EIF2A: variants seen among roughly 807,000 people sequenced by gnomAD.
EIF2A encodes the protein 65 kDa eukaryotic translation initiation factor 2A.
A neutral mutation model predicts 75.2 loss-of-function variants in EIF2A; 62 were observed. The observed-to-expected ratio is 0.82, with a 90% CI of 0.67 to 1.02. The LOEUF is 1.02. Among genes scored for constraint, EIF2A ranks in the 50% least tolerant of loss-of-function variants. The probability of loss-of-function intolerance (pLI) is 0.00; values close to 1 mark genes in which losing one functional copy is unlikely to be tolerated. For missense variants in EIF2A, 611 were observed against 677.7 expected (o/e 0.90, Z 1.09); for synonymous variants, 207 against 239.0 (o/e 0.87, Z 1.23).
intron 11 of EIF2A, among the ~76,000 whole-genome samples, chr3:150,578,693 G>A (rs543759647): frequency 2.6e-5 from 4 of 152,218 alleles, no homozygotes; most frequent in African/African-American, 9.6e-5. Flanking sequence ...TAATAGCAAA[G>A]GTTTTCAACT....
chr3:150,565,055 CT>C (rs1724093820), intron 6 of EIF2A: 1 of 378,414 alleles, frequency 2.6e-6, no homozygotes, highest in Non-Finnish European at 5.2e-6. Flanking sequence ...CCCACTCTAT[CT>C]GTTATTTTAT....
At chr3:150,581,373 T>C (rs1030623354) in intron 11 of EIF2A, among the ~76,000 whole-genome samples, 1 of 152,196 alleles carries the variant, frequency 6.6e-6, no homozygotes, top group Non-Finnish European at 1.5e-5. Flanking sequence ...TCTCAGAATA[T>C]GCAAAAGTTT....
chr3:150,584,848 T>C lies in EIF2A; in HGVS notation c.*937T>C, dbSNP rs1725378090. ...AACAAAATCCTTTTTTAAAAATTTTTAAAGAAAAAGTATACACACAGGACT... is the reference window on the plus strand; with the variant it reads ...AACAAAATCCTTTTTTAAAAATTTTCAAAGAAAAAGTATACACACAGGACT... On this transcript the variant is annotated 3_prime_UTR_variant, in exon 14 of 14. Transcript: ENST00000460851. Among the ~76,000 whole-genome samples the C allele has an allele frequency of 6.6e-6, 1 of 152,056 alleles. No homozygotes were observed. Among genetic ancestry groups the C allele is most frequent in the Non-Finnish European group, 1.5e-5 (1 of 68,000 alleles).
intron 2 of EIF2A, among the ~76,000 whole-genome samples, chr3:150,556,722 A>T (rs1723590258): frequency 6.6e-6 from 1 of 152,212 alleles, no homozygotes. Flanking sequence ...GAAATTTTTC[A>T]TTCAAAAAAT....
chr3:150,572,250 T>A lies in EIF2A; in HGVS notation c.1104T>A (p.Asp368Glu). 1.9e-6 allele frequency: 3 copies of A among 1,613,968 alleles called. No homozygotes were observed. Among genetic ancestry groups the A allele is most frequent in the Non-Finnish European group, 2.5e-6 (3 of 1,179,878 alleles). The change falls in exon 10 of 14, where the codon GAT becomes GAA. Residue 368 changes from aspartate to glutamate, a missense_variant. Asp to Glu is a conservative substitution (Grantham distance 45, BLOSUM62 2). Transcript: ENST00000460851. ...CTACATATTTTGCTTGGTGCCCGGA[T>A]GGTGAGCATATTTTAACAGCTACAT... ...SDSTYFAWCP[D>E]GEHILTATCA...
intron 11 of EIF2A, among the ~76,000 whole-genome samples, chr3:150,579,845 A>G (rs951075097): frequency 6.6e-6 from 1 of 152,186 alleles, no homozygotes; most frequent in African/African-American, 2.4e-5. Context: ...AGTTCAGAGT[A>G]TCCTACCCAG....
At chr3:150,579,499 C>G (rs928156462) in intron 11 of EIF2A, among the ~76,000 whole-genome samples, 1 of 152,056 alleles carries the variant, frequency 6.6e-6, no homozygotes, top group African/African-American at 2.4e-5. Flanking sequence ...CACCTGAGGT[C>G]TGGAGTTCGA....
rs1724553178 is a variant in EIF2A, at chr3:150,571,995, T to C, written c.849T>C (p.Ser283=). The part of the protein sequence containing the change: ...NGPIYDVVWN[S]SSTEFCAVYG... ...CCATTTATGATGTAGTTTGGAATTC[T>C]AGTTCTACTGAGTTTTGTGCTGTAT... The change falls in exon 10 of 14, where the codon TCT becomes TCC. Residue 283 remains serine (S), a synonymous_variant. Transcript: ENST00000460851. The C allele has an allele frequency of 1.2e-6, 2 of 1,612,530 alleles. No homozygotes were observed. Among genetic ancestry groups the C allele is most frequent in the Non-Finnish European group, 8.5e-7 (1 of 1,179,316 alleles).
rs944594740 is a variant in EIF2A, at chr3:150,583,942, A to C, written c.*31A>C. ...CACGGAAAGCAAGTTGATGACCAGAAATCAGTGCAAACACATCTTCTGTTA... is the reference window on the plus strand; with the variant it reads ...CACGGAAAGCAAGTTGATGACCAGACATCAGTGCAAACACATCTTCTGTTA... On this transcript the variant is annotated 3_prime_UTR_variant, in exon 14 of 14. Coordinates refer to ENST00000460851, the MANE Select transcript of EIF2A (RefSeq NM_032025.5). 2 of 1,606,846 alleles carry C rather than the reference A, an allele frequency of 1.2e-6. No homozygotes were observed. Among genetic ancestry groups the C allele is most frequent in the Non-Finnish European group, 1.7e-6 (2 of 1,173,676 alleles).
Position 150,580,626 on chromosome 3 carries a change from C to T in EIF2A, c.1498-992C>T, listed in dbSNP as rs184857335. On this transcript the variant is annotated intron_variant, in intron 11 of 13. Coordinates refer to ENST00000460851, the MANE Select transcript of EIF2A (RefSeq NM_032025.5). ...CTGTAAATCATAGCAAATCAGCATACAATATTTTTTATTCCTTATTAAGAA... is the reference window on the plus strand; with the variant it reads ...CTGTAAATCATAGCAAATCAGCATATAATATTTTTTATTCCTTATTAAGAA... 2.0e-5 allele frequency among the ~76,000 whole-genome samples: 3 copies of T among 152,244 alleles called. No individual in the cohort carries two copies. The East Asian group carries it at 5.8e-4, about 29-fold the overall frequency.
At chr3:150,566,893 A>C (rs552709527) in intron 6 of EIF2A, 1 of 152,366 alleles carries the variant, frequency 6.6e-6, no homozygotes, top group South Asian at 2.1e-4. Context: ...AACTTTGTTC[A>C]CACGTACCAA....
chr3:150,564,419 G>T (rs768972472), intron 6 of EIF2A, 38 bp downstream of exon 6: 99 of 1,499,370 alleles, frequency 6.6e-5, no homozygotes, highest in Non-Finnish European at 8.2e-5. Context: ...ATTACTTACT[G>T]TAATCGTATA....
intron 5 of EIF2A, among the ~76,000 whole-genome samples, 187 bp downstream of exon 5, chr3:150,563,801 G>A (rs147785750): frequency 2.0e-5 from 3 of 152,184 alleles, no homozygotes; most frequent in Non-Finnish European, 4.4e-5. Context: ...AGTATTAAGT[G>A]GAAAGGAACA....
At chr3:150,552,790 A>C (rs188111950) in intron 2 of EIF2A, 406 of 165,874 alleles carry the variant, frequency 2.4e-3, no homozygotes, top group Non-Finnish European at 3.5e-3. Flanking sequence ...AATGAAAAAG[A>C]TATTAAAAAG....
At chr3:150,555,170 C>T (rs1723497548) in intron 2 of EIF2A, among the ~76,000 whole-genome samples, 1 of 152,062 alleles carries the variant, frequency 6.6e-6, no homozygotes, top group Admixed American at 6.6e-5. Flanking sequence ...CTCAAGAGAT[C>T]CAACCGCCTT....
intron 3 of EIF2A, among the ~76,000 whole-genome samples, chr3:150,560,331 C>G (rs538845165): frequency 1.3e-5 from 2 of 152,254 alleles, no homozygotes; most frequent in African/African-American, 4.8e-5. Flanking sequence ...TGATTGTGGT[C>G]TTTGTTCAGT....
intron 9 of EIF2A, among the ~76,000 whole-genome samples, chr3:150,569,492 A>G (rs1424254100): frequency 6.6e-6 from 1 of 152,086 alleles, no homozygotes; most frequent in East Asian, 1.9e-4. Flanking sequence ...AATATTTTGG[A>G]AACTTGTGTA....
Position 150,584,576 on chromosome 3 carries a change from A to G in EIF2A, c.*665A>G, listed in dbSNP as rs546913021. Among the ~76,000 whole-genome samples, 29 of 152,200 alleles carry G rather than the reference A, an allele frequency of 1.9e-4. No individual in the cohort carries two copies. The highest frequency in any genetic ancestry group is 3.8e-4 in the Non-Finnish European group (26 of 68,034). On this transcript the variant is annotated 3_prime_UTR_variant, in exon 14 of 14. Transcript: ENST00000460851. ...CTCAAGCTTTATACTTGCACCATTT[A>G]AAGTTTTCCACACTGTTGGCAATAT...
At chr3:150,547,919 G>A (rs780947797) in intron 1 of EIF2A, among the ~76,000 whole-genome samples, 1 of 152,094 alleles carries the variant, frequency 6.6e-6, no homozygotes, top group Non-Finnish European at 1.5e-5. Context: ...GTTTGTAAAG[G>A]TAGCTTGTTA....
Sources: gnomAD v4.1 joint callset for allele counts (sites outside exome capture counted in the v4.1 genomes callset) on GRCh38, gnomAD v4.1.1 for gene constraint, MANE v1.5 for transcripts, NCBI Gene and HGNC (gene_info 2026-07-23, HGNC 2026-07-21) for gene names.